Variants in SFMBT2 observed in about 807,000 individuals in gnomAD.
The protein encoded by SFMBT2 is Scm like with four mbt domains 2.
Under a neutral mutation model 110.1 loss-of-function variants are expected in SFMBT2, and 38 were observed. The observed-to-expected ratio is 0.35, with a 90% confidence interval of 0.27 to 0.45. The LOEUF (loss-of-function observed/expected upper bound fraction) is 0.45, where lower values mean the gene tolerates loss of function less well. SFMBT2 is among the 20% of genes least tolerant of loss of function. The pLI, the probability that SFMBT2 is intolerant of heterozygous loss-of-function variation, is 1.00. For missense variants in SFMBT2, 1,011 were observed against 1,094.9 expected, an observed-to-expected ratio of 0.92 and a Z score of 1.08; for synonymous variants, 425 against 425.4, an observed-to-expected ratio of 1.00 and a Z score of 0.01.
intron 2 of SFMBT2, among the ~76,000 whole-genome samples, chr10:7,381,279 G>A (rs988274291): frequency 1.3e-5 from 2 of 151,956 alleles, no homozygotes; most frequent in African/African-American, 2.4e-5. Context: ...CTGTATCATC[G>A]GCATCTACTA....
chr10:7,258,177 A>G lies in SFMBT2; in HGVS notation c.871-9528T>C, dbSNP rs911082366. Reference sequence around the variant, plus strand: ...CAAACTCCTGGGTTCAAGCAATCCAACCGCCTCAGCATCCCAAAGTGCTGG... The same window carrying G: ...CAAACTCCTGGGTTCAAGCAATCCAGCCGCCTCAGCATCCCAAAGTGCTGG... On this transcript the variant is annotated intron_variant, in intron 7 of 20. Transcript: ENST00000397167. Among the ~76,000 whole-genome samples the G allele has an allele frequency of 1.1e-4, 14 of 132,986 alleles. 1 individual carries two copies. Among genetic ancestry groups the G allele is most frequent in the Admixed American group, 2.1e-4 (3 of 14,236 alleles). 87.2% of individuals were successfully genotyped at this position (132,986 alleles called of 152,430 possible). A position where few individuals can be genotyped will look rare whatever the true frequency, so the allele number is the denominator to read the frequency against.
In SFMBT2 at chr10:7,272,287, C is replaced by T. The variant is rs564831530; in HGVS notation, c.870+4605G>A. Among the ~76,000 whole-genome samples the T allele has an allele frequency of 3.3e-5, 5 of 152,314 alleles. No individual in the cohort carries two copies. The East Asian group carries it at 9.7e-4, about 29-fold the overall frequency. Reference sequence around the variant, plus strand: ...CCAGAGACTTTTTTTAAAAAAGACACACCCACTCAGCACACAAAGGTAAGG... The same window carrying T: ...CCAGAGACTTTTTTTAAAAAAGACATACCCACTCAGCACACAAAGGTAAGG... On this transcript the variant is annotated intron_variant, in intron 7 of 20. Transcript: ENST00000397167.
intron 4 of SFMBT2, among the ~76,000 whole-genome samples, chr10:7,359,292 G>A (rs1026266503): frequency 5.3e-5 from 8 of 152,208 alleles, no homozygotes; most frequent in African/African-American, 1.7e-4. Flanking sequence ...ACCCGAGGCC[G>A]TGATCATCTG....
chr10:7,249,188 G>T, intron 7 of SFMBT2: 1 of 347,888 alleles, frequency 2.9e-6, no homozygotes, highest in Non-Finnish European at 4.0e-6. Context: ...AGAGATGCCT[G>T]CAGGTAAGAA....
In SFMBT2 at chr10:7,367,742, G is replaced by C; in HGVS notation, c.343C>G (p.Arg115Gly). The stretch of plus-strand genomic sequence containing the variant: ...ACGTCACACCAGAAGTCGGCCCTGC[G>C]GTCCTCCCCGTAACCGCAGTAGCGC... The part of the protein sequence containing the change: ...LLRYCGYGED[R>G]RADFWCDVVI... Residue 115 changes from arginine (R) to glycine (G), a missense_variant, in exon 4 of 21, where the codon CGC becomes GGC. Physicochemically the swap from Arg to Gly is moderately radical, Grantham distance 125. Around this residue, in one of 2 missense-constraint regions of SFMBT2, gnomAD observed 979 missense variants for 1,016.1 expected, o/e 0.96. Transcript: ENST00000397167. This position sits in a 1 kb window ranked among gnomAD's most constrained non-coding sequence, Gnocchi z 6.2. 6.2e-7 allele frequency: 1 copy of C among 1,614,080 alleles called. No homozygotes were observed. The highest frequency in any genetic ancestry group is 8.5e-7 in the Non-Finnish European group (1 of 1,180,028).
intron 13 of SFMBT2, among the ~76,000 whole-genome samples, chr10:7,201,448 A>G (rs952279993): frequency 6.6e-6 from 1 of 152,148 alleles, no homozygotes; most frequent in African/African-American, 2.4e-5. Flanking sequence ...CGTGTTATGA[A>G]ATCTCTCTAC....
At chr10:7,337,291 G>A (rs1036767064) in intron 4 of SFMBT2, among the ~76,000 whole-genome samples, 1 of 152,186 alleles carries the variant, frequency 6.6e-6, no homozygotes, top group Non-Finnish European at 1.5e-5. Flanking sequence ...ATGAGGACAG[G>A]GTTTCTTTGC....
chr10:7,374,801 G>A (rs1845155871), intron 2 of SFMBT2, among the ~76,000 whole-genome samples: 1 of 152,196 alleles, frequency 6.6e-6, no homozygotes, highest in African/African-American at 2.4e-5. Context: ...ACAAAGTCAA[G>A]CACAAAATTT....
In SFMBT2 at chr10:7,172,365, G is replaced by A; in HGVS notation, c.2151+130C>T. ...GTTTTCAGCAAGTAAGGAGGAGGGG[G>A]CTCTTCTTCAGTGTTTCTGACCATC... On this transcript the variant is annotated intron_variant, in intron 18 of 20. Transcript: ENST00000397167. This position sits in a 1 kb window ranked among gnomAD's most constrained non-coding sequence, Gnocchi z 4.6. 3 of 1,512,320 alleles carry A rather than the reference G, an allele frequency of 2.0e-6. No individual in the cohort carries two copies. Among genetic ancestry groups the A allele is most frequent in the Non-Finnish European group, 2.6e-6 (3 of 1,132,914 alleles). 93.7% of individuals were successfully genotyped at this position (1,512,320 alleles called of 1,614,324 possible). A position where few individuals can be genotyped will look rare whatever the true frequency, so the allele number is the denominator to read the frequency against.
chr10:7,366,452 A>G (rs1486894332), intron 4 of SFMBT2, among the ~76,000 whole-genome samples: 1 of 151,616 alleles, frequency 6.6e-6, no homozygotes, highest in East Asian at 1.9e-4. Context: ...AAAAAAAGAT[A>G]GAGCTCCGAT....
intron 15 of SFMBT2, among the ~76,000 whole-genome samples, chr10:7,193,490 A>G (rs1838668829): frequency 6.6e-6 from 1 of 152,180 alleles, no homozygotes; most frequent in Non-Finnish European, 1.5e-5. Context: ...GTCCCTGTGA[A>G]GGCAGAGGCT....
chr10:7,241,032 C>T (rs569987171), intron 9 of SFMBT2, among the ~76,000 whole-genome samples: 11 of 152,090 alleles, frequency 7.2e-5, no homozygotes, highest in Non-Finnish European at 8.8e-5. Context: ...GATTGAATCA[C>T]GGGGGCAGGT....
chr10:7,213,490 T>C (rs773744980), intron 11 of SFMBT2, among the ~76,000 whole-genome samples: 1 of 151,986 alleles, frequency 6.6e-6, no homozygotes, highest in Non-Finnish European at 1.5e-5. Flanking sequence ...AGGGCAGGAA[T>C]TATTGTAGAG....
chr10:7,216,628 T>C (rs1280262749), intron 11 of SFMBT2, among the ~76,000 whole-genome samples: 2 of 152,190 alleles, frequency 1.3e-5, no homozygotes, highest in Admixed American at 1.3e-4. Flanking sequence ...CCCATCTGGC[T>C]AGTGCCCCGT....
chr10:7,400,196 C>A (rs1396430381), intron 1 of SFMBT2, among the ~76,000 whole-genome samples: 1 of 152,156 alleles, frequency 6.6e-6, no homozygotes, highest in Non-Finnish European at 1.5e-5. Flanking sequence ...AATCTCATCA[C>A]TTGTACAAGG....
At chr10:7,192,368 G>A in intron 15 of SFMBT2, among the ~76,000 whole-genome samples, 1 of 152,128 alleles carries the variant, frequency 6.6e-6, no homozygotes, top group Non-Finnish European at 1.5e-5. Flanking sequence ...TCCCCTGGGT[G>A]TTACCGATAA....
At position 7,380,205 on chromosome 10, in the gene SFMBT2, A is replaced by G. The variant is rs188407509; in HGVS notation, c.100+1594T>C. 1.1e-4 allele frequency among the ~76,000 whole-genome samples: 17 copies of G among 152,346 alleles called. No individual in the cohort carries two copies. The East Asian group carries it at 3.3e-3, about 29-fold the overall frequency. On this transcript the variant is annotated intron_variant, in intron 2 of 20. Coordinates refer to ENST00000397167, the MANE Select transcript of SFMBT2 (RefSeq NM_001387889.1). ...TTAGGATGAACTTTCAGCCTATACA[A>G]CTATGCCTTCTCAGAAAATAATTTC...
chr10:7,171,627 C>A lies in SFMBT2; in HGVS notation c.2415+268G>T. 2 of 950,558 alleles carry A rather than the reference C, an allele frequency of 2.1e-6. No homozygotes were observed. Among genetic ancestry groups the A allele is most frequent in the Non-Finnish European group, 2.5e-6 (2 of 798,272 alleles). The allele number at this position is 950,558 out of a possible 1,614,324, so 58.9% of individuals were successfully genotyped here. On this transcript the variant is annotated intron_variant, in intron 19 of 20. Coordinates refer to ENST00000397167, the MANE Select transcript of SFMBT2 (RefSeq NM_001387889.1). The surrounding 1 kb of genome is among the most constrained non-coding windows in gnomAD (Gnocchi z 4.9). ...ACTTCAAAGGAAACTGAGGACTGTG[C>A]CCTCCTCCTGACAAGAACCCAGGTG...
chr10:7,213,846 G>A (rs78860382), intron 11 of SFMBT2, among the ~76,000 whole-genome samples: 2,789 of 152,214 alleles, frequency 0.018, 33 homozygotes, highest in Admixed American at 0.022. Flanking sequence ...ACTCAGATCC[G>A]TGTGCACAGC....
Sources: allele counts gnomAD v4.1 joint callset (sites outside exome capture counted in the v4.1 genomes callset), GRCh38; gene constraint gnomAD v4.1.1; regional missense constraint gnomAD v4.1.1; non-coding constraint Gnocchi (gnomAD v3.1); transcripts MANE v1.5; gene names NCBI Gene and HGNC (gene_info 2026-07-23, HGNC 2026-07-21).